The following G3BP2 variants were observed in gnomAD, a reference collection of about 807,000 sequenced individuals.
G3BP2 encodes the protein G3BP stress granule assembly factor 2, also known as ras GTPase-activating protein-binding protein 2.
In G3BP2, 11 loss-of-function variants were observed where a neutral mutation model predicts 56.7. That is an observed-to-expected ratio of 0.19 (90% CI 0.12 to 0.32). G3BP2 has a LOEUF of 0.32. Among genes scored for constraint, G3BP2 ranks in the 10% least tolerant of loss-of-function variants. The pLI, the probability that G3BP2 is intolerant of heterozygous loss-of-function variation, is 1.00. For missense variants in G3BP2, 340 were observed against 610.9 expected, an observed-to-expected ratio of 0.56 and a Z score of 4.67; for synonymous variants, 165 against 191.6, an observed-to-expected ratio of 0.86 and a Z score of 1.15.
At chr4:75,658,995 T>G in intron 2 of G3BP2, 71 bp from the exon 3 acceptor site, 1 of 1,161,414 alleles carries the variant, frequency 8.6e-7, no homozygotes, top group South Asian at 1.2e-5. Context: ...TCTGGTGTCA[T>G]AGACTAGGTT....
upstream of G3BP2, chr4:75,673,577 C>T (rs1057512261): frequency 8.1e-7 from 1 of 1,231,942 alleles, no homozygotes; most frequent in Non-Finnish European, 1.0e-6. Context: ...CGCTCGCACA[C>T]GCTCGCGCCC....
upstream of G3BP2, among the ~76,000 whole-genome samples, chr4:75,675,080 A>T (rs932077110): frequency 2.0e-5 from 3 of 152,080 alleles, no homozygotes; most frequent in African/African-American, 7.2e-5. Flanking sequence ...GGAGAGGTCA[A>T]GTAACTTACC....
intron 3 of G3BP2, among the ~76,000 whole-genome samples, chr4:75,681,065 C>T (rs1160727377): frequency 6.6e-6 from 1 of 151,534 alleles, no homozygotes; most frequent in Non-Finnish European, 1.5e-5. Context: ...TGGCTCATGC[C>T]TGTAACCCAG....
intron 3 of G3BP2, among the ~76,000 whole-genome samples, chr4:75,700,579 C>T (rs1020574724): frequency 2.0e-5 from 3 of 147,366 alleles, no homozygotes; most frequent in South Asian, 2.2e-4. Context: ...TGCCACCACA[C>T]CCAGCTAATT....
intron 3 of G3BP2, among the ~76,000 whole-genome samples, chr4:75,681,311 G>A (rs1030661566): frequency 1.4e-5 from 2 of 147,038 alleles, no homozygotes; most frequent in African/African-American, 5.0e-5. Context: ...GCGAAAGAGC[G>A]AGACTCCGTC....
Position 75,655,244 on chromosome 4 carries a change from T to C in G3BP2, c.548A>G (p.Asn183Ser). 1 of 1,599,636 alleles carries C rather than the reference T, an allele frequency of 6.3e-7. No individual in the cohort carries two copies. The highest frequency in any genetic ancestry group is 8.5e-7 in the Non-Finnish European group (1 of 1,172,244). ...TTCTTCCAAAGGCTCCTCTATGCCA[T>C]TACTACAATAAAATATTTAGTTCAC... ...SGYYEAHPVT[N>S]GIEEPLEESS... is the part of the protein sequence containing the mutation. The change falls in exon 7 of 12, where the codon AAT becomes AGT. Residue 183 changes from asparagine to serine, a missense_variant and splice_region_variant. Asn to Ser is a conservative substitution (Grantham distance 46, BLOSUM62 1). This residue lies in a region of G3BP2 where 224 missense variants were observed against 332.5 expected (regional missense o/e 0.67). Transcript: ENST00000359707.
intron 3 of G3BP2, among the ~76,000 whole-genome samples, chr4:75,684,616 G>A (rs1371940697): frequency 6.6e-6 from 1 of 152,078 alleles, no homozygotes; most frequent in Non-Finnish European, 1.5e-5. Flanking sequence ...TCATGGCAAA[G>A]CAAACTGCAG....
chr4:75,657,779 C>G, intron 3 of G3BP2, 49 bp from the exon 4 acceptor site: 1 of 1,135,846 alleles, frequency 8.8e-7, no homozygotes, highest in Non-Finnish European at 1.3e-6. Context: ...TACTGCATTA[C>G]CTACACAATA....
intron 3 of G3BP2, among the ~76,000 whole-genome samples, chr4:75,701,378 C>T (rs753084971): frequency 3.3e-5 from 5 of 151,332 alleles, no homozygotes; most frequent in Non-Finnish European, 5.9e-5. Flanking sequence ...ATGCAACCTC[C>T]GCCTCCTGAG....
chr4:75,646,688 C>G (rs1262453705), intron 10 of G3BP2, among the ~76,000 whole-genome samples: 1 of 149,542 alleles, frequency 6.7e-6, no homozygotes, highest in Non-Finnish European at 1.5e-5. Context: ...GTAGTCCTTT[C>G]ATAAGTAAAG....
chr4:75,674,080 T>TA (rs1407229658), upstream of G3BP2: 1 of 152,164 alleles, frequency 6.6e-6, no homozygotes, highest in Non-Finnish European at 1.5e-5. Context: ...AGGCCTGAAA[T>TA]ACAAGGATTA....
intron 1 of G3BP2, among the ~76,000 whole-genome samples, chr4:75,664,328 G>T (rs910776733): frequency 6.7e-6 from 1 of 149,910 alleles, no homozygotes; most frequent in Admixed American, 6.7e-5. Flanking sequence ...TGTAATCCCA[G>T]CACTTCAGGA....
At chr4:75,661,772 AAC>A (rs1311295333) in intron 2 of G3BP2, 157 bp downstream of exon 2, 1 of 564,518 alleles carries the variant, frequency 1.8e-6, no homozygotes, top group East Asian at 3.0e-5. Flanking sequence ...TGCAGTTAAA[AAC>A]ACTTTTTGCC....
At chr4:75,719,293 A>G (rs1315489928) in intron 3 of G3BP2, among the ~76,000 whole-genome samples, 3 of 142,242 alleles carry the variant, frequency 2.1e-5, no homozygotes, top group African/African-American at 7.9e-5. Context: ...GCTTGCAGTG[A>G]GCCGAGATCC....
chr4:75,657,045 T>A (rs781218908), intron 4 of G3BP2, 31 bp from the exon 5 acceptor site: 1 of 909,680 alleles, frequency 1.1e-6, no homozygotes, highest in South Asian at 1.5e-5. Context: ...TCCATAAATA[T>A]CCAGAAATCT....
At position 75,643,288 on chromosome 4, in the gene G3BP2, T is replaced by C. The variant is rs1218600141; in HGVS notation, c.*2142A>G. 17 of 123,536 alleles carry C rather than the reference T, an allele frequency of 1.4e-4. No homozygotes were observed. The highest frequency in any genetic ancestry group is 4.4e-4 in the African/African-American group (15 of 34,254). 7.7% of individuals were successfully genotyped at this position (123,536 alleles called of 1,614,324 possible). A position where few individuals can be genotyped will look rare whatever the true frequency, so the allele number is the denominator to read the frequency against. ...ATGGATGGCAGGGCAATATCCTGAATTGGAAATTATATATATATATATATA... is the reference window on the plus strand; with the variant it reads ...ATGGATGGCAGGGCAATATCCTGAACTGGAAATTATATATATATATATATA... On this transcript the variant is annotated 3_prime_UTR_variant, in exon 12 of 12. Transcript: ENST00000359707.
At chr4:75,695,192 C>T (rs1167085636) in intron 3 of G3BP2, among the ~76,000 whole-genome samples, 1 of 152,170 alleles carries the variant, frequency 6.6e-6, no homozygotes, top group African/African-American at 2.4e-5. Flanking sequence ...AGTTACTGGG[C>T]AGTAATAACA....
At chr4:75,649,812 C>A (rs1731532241) in intron 8 of G3BP2, among the ~76,000 whole-genome samples, 1 of 152,094 alleles carries the variant, frequency 6.6e-6, no homozygotes. Context: ...GAGTTTGAGA[C>A]CAGCCTGCCC....
At chr4:75,662,164 G>A in intron 1 of G3BP2, 115 bp from the exon 2 acceptor site, 1 of 610,304 alleles carries the variant, frequency 1.6e-6, no homozygotes, top group Non-Finnish European at 3.0e-6. Context: ...ACCAATTTTA[G>A]TGACACTAAT....
Sources: gnomAD v4.1 joint callset for allele counts (sites outside exome capture counted in the v4.1 genomes callset) on GRCh38, gnomAD v4.1.1 for gene constraint, gnomAD v4.1.1 regional missense constraint, MANE v1.5 for transcripts, NCBI Gene and HGNC (gene_info 2026-07-23, HGNC 2026-07-21) for gene names.